Variants in PRR16 observed in about 807,000 individuals in gnomAD.
The protein encoded by PRR16 is protein Largen.
PRR16 carries 6 observed loss-of-function variants against 18.2 expected under a neutral mutation model. The ratio of observed to expected loss-of-function variants is 0.33; its 90% CI spans 0.18 to 0.65. PRR16 has a LOEUF of 0.65. Among genes scored for constraint, PRR16 ranks in the 30% least tolerant of loss-of-function variants. PRR16 has a pLI of 0.74. For missense variants in PRR16, 412 were observed against 376.6 expected, an observed-to-expected ratio of 1.09 and a Z score of -0.78; for synonymous variants, 151 against 147.8, an observed-to-expected ratio of 1.02 and a Z score of -0.16.
intron 1 of PRR16, among the ~76,000 whole-genome samples, chr5:120,465,443 G>C (rs1051550646): frequency 1.3e-5 from 2 of 152,238 alleles, no homozygotes; most frequent in African/African-American, 2.4e-5. Context: ...AGCTGGGACT[G>C]CTTCGGTTCT....
the PRR16 span, among the ~76,000 whole-genome samples, chr5:120,743,819 A>C: frequency 6.6e-6 from 1 of 151,986 alleles, no homozygotes; most frequent in East Asian, 1.9e-4. Flanking sequence ...TCTTCTTCTT[A>C]TTTGCTTTAA....
chr5:120,755,607 C>T, the PRR16 span, among the ~76,000 whole-genome samples: 1 of 151,844 alleles, frequency 6.6e-6, no homozygotes, highest in African/African-American at 2.4e-5. Context: ...GTATATGTAC[C>T]ATATTTTCTT....
the PRR16 span, among the ~76,000 whole-genome samples, chr5:120,697,221 A>T: frequency 6.6e-6 from 1 of 152,194 alleles, no homozygotes; most frequent in Non-Finnish European, 1.5e-5. Flanking sequence ...TCTGAGGATG[A>T]GGCTTTTAGT....
chr5:120,510,658 TA>T (rs770214745), intron 1 of PRR16, among the ~76,000 whole-genome samples: 17 of 152,252 alleles, frequency 1.1e-4, no homozygotes, highest in Middle Eastern at 6.8e-3. Flanking sequence ...GGTGGGGACT[TA>T]AAAATGATTT....
chr5:120,787,853 A>G, the PRR16 span, among the ~76,000 whole-genome samples: 2 of 152,030 alleles, frequency 1.3e-5, no homozygotes, highest in Admixed American at 1.3e-4. Flanking sequence ...TACCATTAGC[A>G]TAAATATCTA....
At chr5:120,524,201 C>A (rs928167805) in intron 1 of PRR16, among the ~76,000 whole-genome samples, 2 of 152,164 alleles carry the variant, frequency 1.3e-5, no homozygotes, top group South Asian at 2.1e-4. Flanking sequence ...CTCTTAAAAT[C>A]TTTCTGCAGG....
At chr5:120,495,111 G>T (rs1750200095) in intron 1 of PRR16, among the ~76,000 whole-genome samples, 1 of 151,620 alleles carries the variant, frequency 6.6e-6, no homozygotes, top group Non-Finnish European at 1.5e-5. Flanking sequence ...GGCTAATTGT[G>T]TCAATATCTA....
chr5:120,754,829 A>G, the PRR16 span, among the ~76,000 whole-genome samples: 1 of 151,044 alleles, frequency 6.6e-6, no homozygotes, highest in East Asian at 1.9e-4. Flanking sequence ...GAGCAAGGTC[A>G]AAAGATATGG....
At chr5:120,665,682 C>G (rs1005243075) in intron 1 of PRR16, among the ~76,000 whole-genome samples, 8 of 152,202 alleles carry the variant, frequency 5.3e-5, no homozygotes, top group Admixed American at 5.2e-4. Context: ...GTATGGCTAG[C>G]CAGTTTTCCC....
intron 1 of PRR16, among the ~76,000 whole-genome samples, chr5:120,579,510 T>C (rs1023846213): frequency 6.6e-6 from 1 of 152,200 alleles, no homozygotes; most frequent in Non-Finnish European, 1.5e-5. Context: ...GATTAGGAGA[T>C]CCTTTCCCGT....
At chr5:120,771,766 T>C in the PRR16 span, among the ~76,000 whole-genome samples, 1 of 152,148 alleles carries the variant, frequency 6.6e-6, no homozygotes, top group East Asian at 1.9e-4. Flanking sequence ...TGAAATCCTA[T>C]GTCCAAGATA....
intron 1 of PRR16, among the ~76,000 whole-genome samples, chr5:120,665,404 G>T (rs1465462530): frequency 6.6e-6 from 1 of 151,886 alleles, no homozygotes; most frequent in Non-Finnish European, 1.5e-5. Context: ...CCATTCTGTA[G>T]GTTGCCTGTT....
intron 1 of PRR16, among the ~76,000 whole-genome samples, chr5:120,518,329 A>T (rs960718173): frequency 6.6e-6 from 1 of 152,032 alleles, no homozygotes; most frequent in African/African-American, 2.4e-5. Context: ...ATATATATAT[A>T]TTTGTAAAGG....
intron 1 of PRR16, among the ~76,000 whole-genome samples, chr5:120,578,411 GA>G (rs1561555094): frequency 6.6e-6 from 1 of 151,708 alleles, no homozygotes; most frequent in Non-Finnish European, 1.5e-5. Flanking sequence ...CTCCACCCCC[GA>G]AAAGGCCCTG....
chr5:120,505,832 C>T lies in PRR16; in HGVS notation c.159+41187C>T, dbSNP rs187739364. 5.8e-3 allele frequency among the ~76,000 whole-genome samples: 876 copies of T among 151,378 alleles called. 11 individuals are homozygous for T. The highest frequency in any genetic ancestry group is 0.019 in the African/African-American group (790 of 41,258). ...ACATTTTAAATTTACTGCTTCTCTTCTGAAAGTATGTATATATGTATGTAT... is the reference window on the plus strand; with the variant it reads ...ACATTTTAAATTTACTGCTTCTCTTTTGAAAGTATGTATATATGTATGTAT... On this transcript the variant is annotated intron_variant, in intron 1 of 1. Coordinates refer to ENST00000407149, the MANE Select transcript of PRR16 (RefSeq NM_001300783.2).
chr5:120,612,536 AG>A (rs1754369085), intron 1 of PRR16, among the ~76,000 whole-genome samples: 1 of 151,952 alleles, frequency 6.6e-6, no homozygotes, highest in African/African-American at 2.4e-5. Flanking sequence ...CGATATCTGA[AG>A]GGTTTATCAG....
At position 120,667,433 on chromosome 5, in the gene PRR16, G is replaced by A. The variant is rs534870642; in HGVS notation, c.160-18521G>A. Among the ~76,000 whole-genome samples, 63 of 152,048 alleles carry A rather than the reference G, an allele frequency of 4.1e-4. 1 individual carries two copies. The East Asian group carries it at 4.8e-3, about 12-fold the overall frequency. Reference sequence around the variant, plus strand: ...CCTGGATTCATTAATTTTTTGAAGCGTTTTTTGTGTCTCTATTTCCTTCAG... The same window carrying A: ...CCTGGATTCATTAATTTTTTGAAGCATTTTTTGTGTCTCTATTTCCTTCAG... On this transcript the variant is annotated intron_variant, in intron 1 of 1. Transcript: ENST00000407149.
At chr5:120,562,441 G>GT (rs972318089) in intron 1 of PRR16, among the ~76,000 whole-genome samples, 1 of 151,864 alleles carries the variant, frequency 6.6e-6, no homozygotes, top group Non-Finnish European at 1.5e-5. Flanking sequence ...CAGTCACTCT[G>GT]TTTTTTTATT....
chr5:120,783,599 A>ATAGT, the PRR16 span, among the ~76,000 whole-genome samples: 1 of 152,238 alleles, frequency 6.6e-6, no homozygotes, highest in Non-Finnish European at 1.5e-5. Flanking sequence ...TGAGTACATA[A>ATAGT]TAGTTGTATG....
Sources: gnomAD v4.1 joint callset for allele counts (sites outside exome capture counted in the v4.1 genomes callset) on GRCh38, gnomAD v4.1.1 for gene constraint, MANE v1.5 for transcripts, NCBI Gene and HGNC (gene_info 2026-07-23, HGNC 2026-07-21) for gene names.